The following CUL1 variants were observed in gnomAD, a reference collection of about 807,000 sequenced individuals.
The protein encoded by CUL1 is cullin 1, also known as cullin-1.
In CUL1, 24 loss-of-function variants were observed where a neutral mutation model predicts 118.0. The observed-to-expected ratio is 0.20, with a 90% CI of 0.15 to 0.29. The LOEUF is 0.29. Among genes scored for constraint, CUL1 ranks in the 10% least tolerant of loss-of-function variants. The probability of loss-of-function intolerance (pLI) is 1.00; values close to 1 mark genes in which losing one functional copy is unlikely to be tolerated. For missense variants in CUL1, 361 were observed against 933.8 expected, an observed-to-expected ratio of 0.39 and a Z score of 7.99; for synonymous variants, 332 against 340.4, an observed-to-expected ratio of 0.98 and a Z score of 0.27.
At chr7:148,784,769 A>C (rs1322891027) in intron 11 of CUL1, among the ~76,000 whole-genome samples, 1 of 152,216 alleles carries the variant, frequency 6.6e-6, no homozygotes, top group Non-Finnish European at 1.5e-5. Flanking sequence ...TGGTTTTGAT[A>C]TTAATAAATT....
chr7:148,722,502 G>A (rs545459729), intron 1 of CUL1, among the ~76,000 whole-genome samples: 8 of 152,176 alleles, frequency 5.3e-5, no homozygotes, highest in Admixed American at 3.3e-4. Flanking sequence ...CCTGTCCCCC[G>A]CCATCCTGCA....
At chr7:148,757,866 A>G (rs1404323297) in intron 4 of CUL1, among the ~76,000 whole-genome samples, 2 of 152,202 alleles carry the variant, frequency 1.3e-5, no homozygotes. Flanking sequence ...AAACCATCAG[A>G]TCTCGTGAGA....
chr7:148,702,581 T>C (rs1797753531), intron 1 of CUL1, among the ~76,000 whole-genome samples: 1 of 152,230 alleles, frequency 6.6e-6, no homozygotes, highest in Non-Finnish European at 1.5e-5. Flanking sequence ...ATTTTTTCCC[T>C]TGGGAAACTT....
chr7:148,759,711 T>A, intron 6 of CUL1, 73 bp downstream of exon 6: 4 of 698,582 alleles, frequency 5.7e-6, no homozygotes, highest in Non-Finnish European at 9.4e-6. Flanking sequence ...CTAACAGATG[T>A]CATTTTTAAA....
intron 11 of CUL1, 42 bp downstream of exon 11, chr7:148,784,119 A>G: frequency 6.8e-7 from 1 of 1,477,912 alleles, no homozygotes. Flanking sequence ...CCTGTTTAAA[A>G]TCTCAGCTTT....
intron 2 of CUL1, among the ~76,000 whole-genome samples, chr7:148,739,835 G>A (rs372059399): frequency 3.9e-5 from 6 of 152,074 alleles, no homozygotes; most frequent in African/African-American, 1.4e-4. Context: ...TTCCTCATAA[G>A]ACTTTATGGT....
intron 21 of CUL1, among the ~76,000 whole-genome samples, chr7:148,799,776 A>G (rs1439877430): frequency 1.3e-5 from 2 of 151,756 alleles, no homozygotes; most frequent in African/African-American, 2.4e-5. Flanking sequence ...TAGAGCACAC[A>G]CTCCCGTGCC....
chr7:148,703,565 C>T (rs1367092950), intron 1 of CUL1, among the ~76,000 whole-genome samples: 2 of 151,946 alleles, frequency 1.3e-5, no homozygotes, highest in African/African-American at 4.8e-5. Flanking sequence ...CAGAGTCTCA[C>T]TCTGTCGCCC....
At chr7:148,770,648 TG>T (rs1422962043) in intron 9 of CUL1, among the ~76,000 whole-genome samples, 1 of 152,224 alleles carries the variant, frequency 6.6e-6, no homozygotes, top group Admixed American at 6.5e-5. Context: ...TTCCCTGCTC[TG>T]GGCTCACACT....
intron 2 of CUL1, among the ~76,000 whole-genome samples, chr7:148,738,947 T>C (rs1371519689): frequency 1.3e-5 from 2 of 152,080 alleles, no homozygotes; most frequent in Non-Finnish European, 2.9e-5. Context: ...AGGTGGTGAG[T>C]GTGGCATTGT....
chr7:148,735,107 T>C (rs943293341), intron 2 of CUL1, among the ~76,000 whole-genome samples: 1 of 152,232 alleles, frequency 6.6e-6, no homozygotes, highest in African/African-American at 2.4e-5. Context: ...GAATCATTCA[T>C]TCATATTTGA....
chr7:148,800,360 C>T lies in CUL1; in HGVS notation c.2251-142C>T. 1 of 641,128 alleles carries T rather than the reference C, an allele frequency of 1.6e-6. No individual in the cohort carries two copies. Among genetic ancestry groups the T allele is most frequent in the Non-Finnish European group, 2.7e-6 (1 of 365,474 alleles). 39.7% of individuals were successfully genotyped at this position (641,128 alleles called of 1,614,324 possible). A position where few individuals can be genotyped will look rare whatever the true frequency, so the allele number is the denominator to read the frequency against. On this transcript the variant is annotated intron_variant, in intron 21 of 21. Transcript: ENST00000325222. The surrounding 1 kb of genome is among the most constrained non-coding windows in gnomAD (Gnocchi z 4.6). ...GCCAGGAAGTAAAACTCTATGCTAA[C>T]AGATCTGGGGCGGGGACACTGCTCC... is the stretch of plus-strand genomic sequence containing the variant.
intron 9 of CUL1, among the ~76,000 whole-genome samples, chr7:148,775,396 A>C (rs1800362640): frequency 6.6e-6 from 1 of 152,202 alleles, no homozygotes; most frequent in Non-Finnish European, 1.5e-5. Flanking sequence ...TCAGATGAGA[A>C]ACTCATAGAC....
At chr7:148,732,552 C>G (rs1404807206) in intron 2 of CUL1, among the ~76,000 whole-genome samples, 1 of 151,242 alleles carries the variant, frequency 6.6e-6, no homozygotes, top group Non-Finnish European at 1.5e-5. Context: ...GTTACCCAGG[C>G]TGGTCTCAAA....
chr7:148,714,729 A>G (rs548758121), intron 1 of CUL1, among the ~76,000 whole-genome samples: 145 of 152,228 alleles, frequency 9.5e-4, no homozygotes, highest in African/African-American at 3.4e-3. Flanking sequence ...TTTAGAGGGC[A>G]GTGGAAAGCA....
At chr7:148,766,209 T>TAC (rs1799997707) in intron 7 of CUL1, among the ~76,000 whole-genome samples, 1 of 152,060 alleles carries the variant, frequency 6.6e-6, no homozygotes, top group South Asian at 2.1e-4. Flanking sequence ...TAGCTTACTA[T>TAC]GTCCTTTAAC....
chr7:148,769,249 A>C, intron 9 of CUL1, among the ~76,000 whole-genome samples: 1 of 152,168 alleles, frequency 6.6e-6, no homozygotes, highest in South Asian at 2.1e-4. Flanking sequence ...AAGTGCTTAA[A>C]TCAGGGCACA....
chr7:148,774,013 G>C (rs983592231), intron 9 of CUL1, among the ~76,000 whole-genome samples: 3 of 152,104 alleles, frequency 2.0e-5, no homozygotes, highest in Non-Finnish European at 4.4e-5. Flanking sequence ...GCTCCGAAAA[G>C]GACTTGGGGC....
chr7:148,741,371 T>C (rs1799132982), intron 2 of CUL1, among the ~76,000 whole-genome samples: 1 of 152,240 alleles, frequency 6.6e-6, no homozygotes, highest in African/African-American at 2.4e-5. Flanking sequence ...CCACCAGCAG[T>C]GTATGAGGGT....
Sources: gnomAD v4.1 joint callset for allele counts (sites outside exome capture counted in the v4.1 genomes callset) on GRCh38, gnomAD v4.1.1 for gene constraint, Gnocchi (gnomAD v3.1) non-coding constraint, MANE v1.5 for transcripts, NCBI Gene and HGNC (gene_info 2026-07-23, HGNC 2026-07-21) for gene names.